Variants in VCAN observed in about 807,000 individuals in gnomAD.
VCAN encodes versican.
In VCAN, 44 loss-of-function variants were observed where a neutral mutation model predicts 245.5. That is an observed-to-expected ratio of 0.18 (90% CI 0.14 to 0.23). VCAN has a LOEUF of 0.23. Ranked by LOEUF, VCAN falls within the 10% of genes least tolerant of loss-of-function variation. VCAN has a pLI of 1.00. For synonymous variants in VCAN, 1,413 were observed against 1,437.0 expected (o/e 0.98, Z 0.38); for missense variants, 3,793 against 4,057.9 (o/e 0.93, Z 1.77).
rs752544304 is a variant in VCAN at position 83,541,299 on chromosome 5, T to C, written c.8296T>C (p.Ser2766Pro). ...HAGPSFQPEF[S>P]SGAEEALVDH... is the part of the protein sequence containing the mutation. ...TGGTCCTTCTTTTCAGCCAGAATTC[T>C]CTTCAGGAGCTGAGGAGGCATTAGT... is the stretch of plus-strand genomic sequence containing the variant. The change falls in exon 8 of 15, where the codon TCT becomes CCT. Residue 2766 changes from serine (S) to proline (P), a missense_variant. By Grantham distance (74) the Ser-to-Pro change is moderately conservative (BLOSUM62 -1). Transcript: ENST00000265077. The C allele has an allele frequency of 6.2e-7, 1 of 1,614,100 alleles. No homozygotes were observed. The highest frequency in any genetic ancestry group is 1.7e-5 in the Admixed American group (1 of 60,002).
chr5:83,520,996 T>G lies in VCAN; in HGVS notation c.2690T>G (p.Leu897Trp), dbSNP rs1746070017. 1 of 1,613,930 alleles carries G rather than the reference T, an allele frequency of 6.2e-7. No individual in the cohort carries two copies. Among genetic ancestry groups the G allele is most frequent in the Non-Finnish European group, 8.5e-7 (1 of 1,179,952 alleles). Residue 897 changes from leucine (L) to tryptophan (W), a missense_variant, in exon 7 of 15, where the codon TTG becomes TGG. Physicochemically the swap from Leu to Trp is moderately conservative, Grantham distance 61. Transcript: ENST00000265077. ...ACTGGTATTGCAGAAAAGTCAACTTTGAGAGATTCTACAACTGAAGAAAAA... is the reference window on the plus strand; with the variant it reads ...ACTGGTATTGCAGAAAAGTCAACTTGGAGAGATTCTACAACTGAAGAAAAA... ...TSTGIAEKST[L>W]RDSTTEEKVP...
At chr5:83,527,134 G>T (rs1478004629) in intron 7 of VCAN, among the ~76,000 whole-genome samples, 2 of 152,152 alleles carry the variant, frequency 1.3e-5, no homozygotes, top group Non-Finnish European at 2.9e-5. Context: ...GGGAAGACTG[G>T]TTTCTCATTG....
chr5:83,529,390 A>G (rs1331830729), intron 7 of VCAN, among the ~76,000 whole-genome samples: 1 of 151,656 alleles, frequency 6.6e-6, no homozygotes, highest in Non-Finnish European at 1.5e-5. Context: ...AATAAAAAAT[A>G]ACACAAATAA....
rs61733401 is a variant in VCAN, at chr5:83,540,033, C to T, written c.7030C>T (p.Pro2344Ser). Reference protein sequence around the residue: ...EILSDTGAEGPTVAPLPFSTD... With the variant: ...EILSDTGAEGSTVAPLPFSTD... The stretch of plus-strand genomic sequence containing the variant: ...TTTAAGTGACACTGGAGCAGAAGGA[C>T]CCACGGTGGCACCTCTCCCTTTCTC... Residue 2344 changes from proline to serine, a missense_variant, in exon 8 of 15, where the codon CCC (proline) becomes TCC (serine). Pro to Ser is a moderately conservative substitution (Grantham distance 74). Transcript: ENST00000265077. The T allele has an allele frequency of 5.6e-3, 9,092 of 1,614,004 alleles. 374 individuals are homozygous for T. In the African/African-American group the frequency reaches 0.095, roughly 17 times the overall value.
chr5:83,532,421 T>C (rs1007965729), intron 7 of VCAN, among the ~76,000 whole-genome samples: 1 of 152,106 alleles, frequency 6.6e-6, no homozygotes. Context: ...ACCCCACCTC[T>C]CCCTGCTATG....
rs189109187 is a variant in VCAN, at chr5:83,563,311, G to T, written c.9735+8273G>T. Among the ~76,000 whole-genome samples the T allele has an allele frequency of 3.4e-3, 511 of 152,262 alleles. 1 individual carries two copies. The highest frequency in any genetic ancestry group is 0.012 in the African/African-American group (495 of 41,536). ...TCAGAAGAAGGTTTATCTTTACCTTGCAGGGAAGTCATTTGCCCCTAACAA... is the reference window on the plus strand; with the variant it reads ...TCAGAAGAAGGTTTATCTTTACCTTTCAGGGAAGTCATTTGCCCCTAACAA... On this transcript the variant is annotated intron_variant, in intron 12 of 14. Coordinates refer to ENST00000265077, the MANE Select transcript of VCAN (RefSeq NM_004385.5).
chr5:83,534,353 G>A (rs16900520), intron 7 of VCAN, among the ~76,000 whole-genome samples: 6,964 of 151,958 alleles, frequency 0.046, 557 homozygotes, highest in African/African-American at 0.16. Context: ...ATTTATCCTT[G>A]TGTTTTGCTG....
Position 83,539,545 on chromosome 5 carries a change from C to G in VCAN, c.6542C>G (p.Ser2181Cys), listed in dbSNP as rs1489718469. Reference sequence around the variant, plus strand: ...GAAGACACTTCTTTAGTTAACATGTCTACTCCAGATCCAGATGCAAATGGC... The same window carrying G: ...GAAGACACTTCTTTAGTTAACATGTGTACTCCAGATCCAGATGCAAATGGC... ...KEEDTSLVNM[S>C]TPDPDANGLE... Residue 2181 changes from serine (S) to cysteine (C), a missense_variant, in exon 8 of 15, where the codon TCT becomes TGT. Physicochemically the swap from Ser to Cys is moderately radical, Grantham distance 112 (BLOSUM62 -1). Around this residue, in one of 5 missense-constraint regions of VCAN, gnomAD observed 3,182 missense variants for 3,250.3 expected, o/e 0.98. Coordinates refer to ENST00000265077, the MANE Select transcript of VCAN (RefSeq NM_004385.5). 1 of 1,614,046 alleles carries G rather than the reference C, an allele frequency of 6.2e-7. No homozygotes were observed. Among genetic ancestry groups the G allele is most frequent in the Non-Finnish European group, 8.5e-7 (1 of 1,179,986 alleles).
Position 83,521,490 on chromosome 5 carries a change from C to G in VCAN, c.3184C>G (p.Pro1062Ala). The G allele has an allele frequency of 6.2e-7, 1 of 1,614,024 alleles. No homozygotes were observed. Among genetic ancestry groups the G allele is most frequent in the Non-Finnish European group, 8.5e-7 (1 of 1,179,996 alleles). The change falls in exon 7 of 15, where the codon CCA becomes GCA. Residue 1062 changes from proline to alanine, a missense_variant. Coordinates refer to ENST00000265077, the MANE Select transcript of VCAN (RefSeq NM_004385.5). Reference sequence around the variant, plus strand: ...TTGGACTCCCAAGGAGGCAGTAACACCACTGGATGAACAAGAGGGCGATGG... The same window carrying G: ...TTGGACTCCCAAGGAGGCAGTAACAGCACTGGATGAACAAGAGGGCGATGG... The part of the protein sequence containing the change: ...TAWTPKEAVT[P>A]LDEQEGDGSA...
chr5:83,520,114 C>T lies in VCAN; in HGVS notation c.1808C>T (p.Ser603Phe). The T allele has an allele frequency of 6.2e-7, 1 of 1,614,044 alleles. No individual in the cohort carries two copies. The highest frequency in any genetic ancestry group is 1.6e-4 in the Middle Eastern group (1 of 6,062). ...HLEDLESVSA[S>F]TTVSPLIMPD... ...GAAGACTTGGAGTCAGTCTCAGCATCCACAACTGTTTCCCCTTTAATTATG... is the reference window on the plus strand; with the variant it reads ...GAAGACTTGGAGTCAGTCTCAGCATTCACAACTGTTTCCCCTTTAATTATG... The change falls in exon 7 of 15, where the codon TCC (serine) becomes TTC (phenylalanine). Residue 603 changes from serine to phenylalanine, a missense_variant. Ser to Phe is a radical substitution (Grantham distance 155). Around this residue, in one of 5 missense-constraint regions of VCAN, gnomAD observed 3,182 missense variants for 3,250.3 expected, o/e 0.98. Coordinates refer to ENST00000265077, the MANE Select transcript of VCAN (RefSeq NM_004385.5).
At chr5:83,536,883 T>G in intron 7 of VCAN, 124 bp from the exon 8 acceptor site, 1 of 780,390 alleles carries the variant, frequency 1.3e-6, no homozygotes, top group Non-Finnish European at 2.0e-6. Flanking sequence ...GTGATTGCAC[T>G]TATTATGAAA....
At chr5:83,518,699 A>G (rs1285759297) in intron 6 of VCAN, among the ~76,000 whole-genome samples, 1 of 152,240 alleles carries the variant, frequency 6.6e-6, no homozygotes. Context: ...GATGAAGACA[A>G]ATGTCCAACA....
chr5:83,517,916 T>TA lies in VCAN; in HGVS notation c.1043-1431dup, dbSNP rs1745918320. On this transcript the variant is annotated intron_variant, in intron 6 of 14. Coordinates refer to ENST00000265077, the MANE Select transcript of VCAN (RefSeq NM_004385.5). Reference sequence around the variant, plus strand: ...ATAACAGCTCGTGCCAGACAAAAAATAAGGAACCTGTTACAGCCCTAGTCT... The same window carrying TA: ...ATAACAGCTCGTGCCAGACAAAAAATAAAGGAACCTGTTACAGCCCTAGTCT... Among the ~76,000 whole-genome samples, 3 of 152,178 alleles carry TA rather than the reference T, an allele frequency of 2.0e-5. No homozygotes were observed. In the South Asian group the frequency reaches 6.2e-4, roughly 32 times the overall value.
intron 5 of VCAN, among the ~76,000 whole-genome samples, chr5:83,502,618 G>A (rs1732989565): frequency 6.6e-6 from 1 of 152,152 alleles, no homozygotes; most frequent in African/African-American, 2.4e-5. Context: ...GGGGCTTCCT[G>A]CATCTTTAAC....
chr5:83,527,021 C>A (rs1163145284), intron 7 of VCAN, among the ~76,000 whole-genome samples: 1 of 152,148 alleles, frequency 6.6e-6, no homozygotes, highest in African/African-American at 2.4e-5. Flanking sequence ...GCATTTTTGC[C>A]ATGAAGTGAT....
chr5:83,538,476 C>G lies in VCAN; in HGVS notation c.5473C>G (p.Pro1825Ala). 6.2e-7 allele frequency: 1 copy of G among 1,613,990 alleles called. No individual in the cohort carries two copies. The highest frequency in any genetic ancestry group is 8.5e-7 in the Non-Finnish European group (1 of 1,179,936). Residue 1825 changes from proline (P) to alanine (A), a missense_variant, in exon 8 of 15, where the codon CCA (proline) becomes GCA (alanine). Around this residue, in one of 5 missense-constraint regions of VCAN, gnomAD observed 3,182 missense variants for 3,250.3 expected, o/e 0.98. Transcript: ENST00000265077. ...GGTTCAGGAAGGGCTGACCACTCTC[C>G]CACGTAGTCCTGCCTCTGTCTTTAT... ...PGVQEGLTTL[P>A]RSPASVFMEQ...
At chr5:83,548,538 A>G (rs1243684409) in intron 10 of VCAN, among the ~76,000 whole-genome samples, 1 of 152,172 alleles carries the variant, frequency 6.6e-6, no homozygotes, top group Non-Finnish European at 1.5e-5. Flanking sequence ...TAAGTAGAAG[A>G]TATTGTGAAT....
intron 13 of VCAN, among the ~76,000 whole-genome samples, chr5:83,579,253 GTTTGT>G (rs145032657): frequency 0.62 from 92,136 of 149,010 alleles, 28,488 homozygotes; most frequent in Admixed American, 0.73. Flanking sequence ...TTGTTTGTTT[GTTTGT>G]TTTGTTTTGT....
At position 83,520,024 on chromosome 5, in the gene VCAN, T is replaced by G. The variant is rs2112408034; in HGVS notation, c.1718T>G (p.Phe573Cys). Residue 573 changes from phenylalanine to cysteine, a missense_variant, in exon 7 of 15, where the codon TTT (phenylalanine) becomes TGT (cysteine). Phe to Cys is a radical substitution (Grantham distance 205, BLOSUM62 -2). Transcript: ENST00000265077. ...GGATCTGATGAGAGCACCTTGATCT[T>G]TGACCAAATTCCTGAAGTCATTACG... The part of the protein sequence containing the change: ...TVGSDESTLI[F>C]DQIPEVITVS... 1 of 1,614,074 alleles carries G rather than the reference T, an allele frequency of 6.2e-7. No individual in the cohort carries two copies. The highest frequency in any genetic ancestry group is 1.6e-4 in the Middle Eastern group (1 of 6,062).
Sources: gnomAD v4.1 joint callset for allele counts (sites outside exome capture counted in the v4.1 genomes callset) on GRCh38, gnomAD v4.1.1 for gene constraint, gnomAD v4.1.1 regional missense constraint, MANE v1.5 for transcripts, NCBI Gene and HGNC (gene_info 2026-07-23, HGNC 2026-07-21) for gene names.